PRSS12: variants seen among roughly 807,000 people sequenced by gnomAD.
PRSS12 encodes serine protease 12.
In PRSS12, 85 loss-of-function variants were observed where a neutral mutation model predicts 104.4. The observed-to-expected ratio is 0.81, with a 90% confidence interval of 0.68 to 0.98. PRSS12 has a LOEUF of 0.98. PRSS12 is among the 50% of genes least tolerant of loss of function. The pLI, the probability that PRSS12 is intolerant of heterozygous loss-of-function variation, is 0.00. For synonymous variants in PRSS12, 454 were observed against 425.2 expected, an observed-to-expected ratio of 1.07 and a Z score of -0.83; for missense variants, 1,141 against 1,139.2, an observed-to-expected ratio of 1.00 and a Z score of -0.02.
rs530269773 is a variant in PRSS12, at chr4:118,349,599, G to A, written c.502+2620C>T. Among the ~76,000 whole-genome samples, 10 of 152,308 alleles carry A rather than the reference G, an allele frequency of 6.6e-5. No individual in the cohort carries two copies. The South Asian group carries it at 2.1e-3, about 32-fold the overall frequency. On this transcript the variant is annotated intron_variant, in intron 1 of 12. Coordinates refer to ENST00000296498, the MANE Select transcript of PRSS12 (RefSeq NM_003619.4). ...GTAAAGAAATACAGCAAAATCAGCTGTGAAGTAAAAATACACATATCTAAC... is the reference window on the plus strand; with the variant it reads ...GTAAAGAAATACAGCAAAATCAGCTATGAAGTAAAAATACACATATCTAAC...
chr4:118,352,435 C>A lies in PRSS12; in HGVS notation c.286G>T (p.Gly96Cys). The A allele has an allele frequency of 6.7e-7, 1 of 1,498,520 alleles. No individual in the cohort carries two copies. 92.8% of individuals were successfully genotyped at this position (1,498,520 alleles called of 1,614,324 possible). A position where few individuals can be genotyped will look rare whatever the true frequency, so the allele number is the denominator to read the frequency against. The change falls in exon 1 of 13, where the codon GGC becomes TGC. Residue 96 changes from glycine (G) to cysteine (C), a missense_variant. Gly to Cys is a radical substitution (Grantham distance 159, BLOSUM62 -3). Coordinates refer to ENST00000296498, the MANE Select transcript of PRSS12 (RefSeq NM_003619.4). ...TCCGTCACGCTGACCCATGGCTCGC[C>A]GGCGGGGCAGCCCCAGGGGTGCGGC... ...PRPHPWGCPA[G>C]EPWVSVTDFG... is the part of the protein sequence containing the mutation.
intron 4 of PRSS12, among the ~76,000 whole-genome samples, chr4:118,324,611 G>A (rs903993504): frequency 6.6e-6 from 1 of 152,034 alleles, no homozygotes; most frequent in Non-Finnish European, 1.5e-5. Flanking sequence ...TACAAGATAA[G>A]AGAGTACAAG....
intron 11 of PRSS12, among the ~76,000 whole-genome samples, chr4:118,294,505 A>G (rs1442254020): frequency 2.6e-5 from 4 of 152,240 alleles, no homozygotes; most frequent in Non-Finnish European, 4.4e-5. Flanking sequence ...TAGGAAACCA[A>G]GAATGAAACA....
At chr4:118,343,854 A>G (rs774149162) in intron 1 of PRSS12, among the ~76,000 whole-genome samples, 8 of 152,332 alleles carry the variant, frequency 5.3e-5, no homozygotes, top group South Asian at 2.1e-4. Flanking sequence ...TGCAGTAAAA[A>G]CAAAGACCCA....
intron 8 of PRSS12, among the ~76,000 whole-genome samples, chr4:118,300,038 T>C (rs2126029527): frequency 6.6e-6 from 1 of 151,074 alleles, no homozygotes; most frequent in African/African-American, 2.4e-5. Flanking sequence ...TAAGACACAG[T>C]CTCACTTTGT....
chr4:118,335,462 C>T lies in PRSS12; in HGVS notation c.820+11G>A, dbSNP rs760833889. ...GAAAGTAAAACAACAGAACTTTTTT[C>T]TTTTTTTTACCATGGGAAAAGCTAC... On this transcript the variant is annotated intron_variant, in intron 3 of 12. Coordinates refer to ENST00000296498, the MANE Select transcript of PRSS12 (RefSeq NM_003619.4). The T allele has an allele frequency of 7.4e-6, 12 of 1,611,782 alleles. No individual in the cohort carries two copies. The Middle Eastern group carries it at 5.0e-4, about 67-fold the overall frequency.
chr4:118,306,251 T>C (rs1743549066), intron 8 of PRSS12, among the ~76,000 whole-genome samples: 1 of 152,254 alleles, frequency 6.6e-6, no homozygotes, highest in Non-Finnish European at 1.5e-5. Context: ...CTTTGTTGTT[T>C]TGACCATAGC....
rs1215036266 is a variant in PRSS12 at position 118,327,172 on chromosome 4, T to G, written c.971+4544A>C. ...AGCAAAGAAAAAAAATTTTTTTTTT[T>G]GAAACAGGGTCTTACTCTGTCACCC... On this transcript the variant is annotated intron_variant, in intron 4 of 12. Coordinates refer to ENST00000296498, the MANE Select transcript of PRSS12 (RefSeq NM_003619.4). Among the ~76,000 whole-genome samples, 4 of 152,044 alleles carry G rather than the reference T, an allele frequency of 2.6e-5. No individual in the cohort carries two copies. In the East Asian group the frequency reaches 7.7e-4, roughly 29 times the overall value.
At chr4:118,337,273 T>TA (rs914792521) in intron 2 of PRSS12, among the ~76,000 whole-genome samples, 4 of 152,200 alleles carry the variant, frequency 2.6e-5, no homozygotes, top group African/African-American at 9.6e-5. Context: ...TGTATTTTTT[T>TA]AATAACAAAA....
In PRSS12 at chr4:118,282,037, C is replaced by A; in HGVS notation, c.2527G>T (p.Val843Leu). ...RPGESWVVYG[V>L]TSWGYGCGVK... ...CCACAGCCATACCCCCAGGAGGTCA[C>A]CCCATACACCACCCAGCTCTCTCCG... Residue 843 changes from valine to leucine, a missense_variant, in exon 13 of 13, where the codon GTG (valine) becomes TTG (leucine). Transcript: ENST00000296498. The A allele has an allele frequency of 1.2e-6, 2 of 1,614,100 alleles. No individual in the cohort carries two copies. Among genetic ancestry groups the A allele is most frequent in the Non-Finnish European group, 1.7e-6 (2 of 1,179,952 alleles).
At chr4:118,331,011 A>G (rs922368611) in intron 4 of PRSS12, among the ~76,000 whole-genome samples, 2 of 152,202 alleles carry the variant, frequency 1.3e-5, no homozygotes, top group Non-Finnish European at 2.9e-5. Context: ...TAAATTCTGT[A>G]GTAAATGATT....
At chr4:118,303,189 T>TA (rs1400228755) in intron 8 of PRSS12, 1 of 152,060 alleles carries the variant, frequency 6.6e-6, no homozygotes, top group Non-Finnish European at 1.5e-5. Flanking sequence ...GTTGAATTTC[T>TA]AGACCACTGA....
At chr4:118,283,241 T>C in intron 11 of PRSS12, 130 bp from the exon 12 acceptor site, 3 of 1,134,182 alleles carry the variant, frequency 2.6e-6, no homozygotes, top group Non-Finnish European at 3.9e-6. Context: ...AACCTTTCTT[T>C]CCATTTATCT....
At chr4:118,343,574 T>C (rs185760606) in intron 1 of PRSS12, among the ~76,000 whole-genome samples, 3 of 152,218 alleles carry the variant, frequency 2.0e-5, no homozygotes, top group Admixed American at 6.5e-5. Flanking sequence ...CTGGATAACA[T>C]AGCAAGACCC....
chr4:118,345,695 G>C (rs1218027957), intron 1 of PRSS12, among the ~76,000 whole-genome samples: 1 of 152,012 alleles, frequency 6.6e-6, no homozygotes, highest in African/African-American at 2.4e-5. Context: ...AATATGCTTT[G>C]TCAACCAAAC....
chr4:118,293,779 G>T (rs1743182590), intron 11 of PRSS12, among the ~76,000 whole-genome samples: 1 of 152,068 alleles, frequency 6.6e-6, no homozygotes, highest in African/African-American at 2.4e-5. Context: ...CACATTGCTG[G>T]GTTATAAACT....
chr4:118,337,227 T>C (rs971724154), intron 2 of PRSS12, among the ~76,000 whole-genome samples: 2 of 152,182 alleles, frequency 1.3e-5, no homozygotes, highest in Non-Finnish European at 2.9e-5. Context: ...TGCAAAATAC[T>C]TGCAAACTGC....
chr4:118,340,842 T>C (rs930190680), intron 1 of PRSS12, among the ~76,000 whole-genome samples: 3 of 152,248 alleles, frequency 2.0e-5, no homozygotes, highest in Admixed American at 1.3e-4. Context: ...CGTAGAAATA[T>C]GTTTGGACAA....
rs142912438 is a variant in PRSS12, at chr4:118,332,698, G to A, written c.821-832C>T. On this transcript the variant is annotated intron_variant, in intron 3 of 12. Transcript: ENST00000296498. ...AAATACTGTGTTCCTTTACACCTAT[G>A]TATTTCAGGTACCTAGTATACAGAG... is the stretch of plus-strand genomic sequence containing the variant. Among the ~76,000 whole-genome samples the A allele has an allele frequency of 9.3e-3, 1,421 of 152,260 alleles. 25 individuals are homozygous for A. Among genetic ancestry groups the A allele is most frequent in the Middle Eastern group, 0.082 (24 of 294 alleles).
Sources: gnomAD v4.1 joint callset for allele counts (sites outside exome capture counted in the v4.1 genomes callset) on GRCh38, gnomAD v4.1.1 for gene constraint, MANE v1.5 for transcripts, NCBI Gene and HGNC (gene_info 2026-07-23, HGNC 2026-07-21) for gene names.